PRDM15: variants seen among roughly 807,000 people sequenced by gnomAD.
PRDM15 encodes the protein PR/SET domain 15, also known as PR domain zinc finger protein 15.
A neutral mutation model predicts 128.6 loss-of-function variants in PRDM15; 64 were observed. The ratio of observed to expected loss-of-function variants is 0.50; its 90% CI spans 0.41 to 0.61. The LOEUF (loss-of-function observed/expected upper bound fraction) is 0.61. Ranked by LOEUF, PRDM15 falls within the 20% of genes least tolerant of loss-of-function variation. The probability of loss-of-function intolerance (pLI) is 0.00; values close to 1 mark genes in which losing one functional copy is unlikely to be tolerated. For synonymous variants in PRDM15, 615 were observed against 621.8 expected (o/e 0.99, Z 0.16); for missense variants, 1,242 against 1,569.1 (o/e 0.79, Z 3.52).
At position 41,847,207 on chromosome 21, in the gene PRDM15, G is replaced by C; in HGVS notation, c.539-16C>G. On this transcript the variant is annotated splice_polypyrimidine_tract_variant and intron_variant, in intron 5 of 23. Transcript: ENST00000398548. The stretch of plus-strand genomic sequence containing the variant: ...GTGCCTGCAGCTTCAAAAGACATGA[G>C]AGGAGAAAAAGGTGACCCCCAAGCA... 3 of 1,536,204 alleles carry C rather than the reference G, an allele frequency of 2.0e-6. No homozygotes were observed. The highest frequency in any genetic ancestry group is 2.6e-6 in the Non-Finnish European group (3 of 1,135,430).
intron 5 of PRDM15, among the ~76,000 whole-genome samples, chr21:41,851,274 T>G (rs979933480): frequency 2.6e-5 from 4 of 152,236 alleles, no homozygotes; most frequent in African/African-American, 9.6e-5. Context: ...CAGTGAGAAC[T>G]GGGCAAGCGG....
intron 6 of PRDM15, among the ~76,000 whole-genome samples, chr21:41,844,893 C>T (rs2063202453): frequency 1.6e-5 from 1 of 62,104 alleles, no homozygotes; most frequent in Non-Finnish European, 3.4e-5. Context: ...CACAGCCCCT[C>T]CCCCTCACAG....
In PRDM15 at chr21:41,847,195, C is replaced by T. The variant is rs909345289; in HGVS notation, c.539-4G>A. 9 of 1,547,722 alleles carry T rather than the reference C, an allele frequency of 5.8e-6. No homozygotes were observed. The highest frequency in any genetic ancestry group is 4.0e-5 in the Admixed American group (2 of 50,452). On this transcript the variant is annotated splice_polypyrimidine_tract_variant and splice_region_variant and intron_variant, in intron 5 of 23. Transcript: ENST00000398548. ...CTGTTTTCTGGGGTGCCTGCAGCTT[C>T]AAAAGACATGAGAGGAGAAAAAGGT...
rs2064538552 is a variant in PRDM15, at chr21:41,879,034, C to G, written c.-10+236G>C. 4 of 1,112,866 alleles carry G rather than the reference C, an allele frequency of 3.6e-6. No individual in the cohort carries two copies. The highest frequency in any genetic ancestry group is 1.1e-6 in the Non-Finnish European group (1 of 889,318). The allele number at this position is 1,112,866 out of a possible 1,614,324, so 68.9% of individuals were successfully genotyped here. A position where few individuals can be genotyped will look rare whatever the true frequency, so the allele number is the denominator to read the frequency against. On this transcript the variant is annotated intron_variant, in intron 1 of 23. Transcript: ENST00000398548. The surrounding 1 kb of genome is among the most constrained non-coding windows in gnomAD (Gnocchi z 5.1). ...GGCGCGCAGGGCGATCCCGGAGCGG[C>G]TCCGGGAAATCCAGCCGGGTTTTGA...
chr21:41,863,974 G>A (rs2063911640), intron 1 of PRDM15, among the ~76,000 whole-genome samples: 1 of 152,076 alleles, frequency 6.6e-6, no homozygotes, highest in Non-Finnish European at 1.5e-5. Flanking sequence ...CTCCCGAGTA[G>A]CTGGGATTAC....
Position 41,805,385 on chromosome 21 carries a change from G to A in PRDM15, c.2653-771C>T, listed in dbSNP as rs372618981. 3.3e-5 allele frequency among the ~76,000 whole-genome samples: 5 copies of A among 152,260 alleles called. No homozygotes were observed. In the East Asian group the frequency reaches 7.7e-4, roughly 23 times the overall value. On this transcript the variant is annotated intron_variant, in intron 21 of 23. Coordinates refer to ENST00000398548, the MANE Select transcript of PRDM15 (RefSeq NM_001040424.3). ...AAGGGTGCTTCACCCAAACAGCTTTGCAAACATCTTTAAATTTCTGATCAA... is the reference window on the plus strand; with the variant it reads ...AAGGGTGCTTCACCCAAACAGCTTTACAAACATCTTTAAATTTCTGATCAA...
In PRDM15 at chr21:41,810,452, T is replaced by A. The variant is rs1454393541; in HGVS notation, c.2477-123A>T. ...CAAGAAGCCTGTCACGCCCCGCCCA[T>A]CCTGAGAGGGCCGGTGCTGGTCCCC... On this transcript the variant is annotated intron_variant, in intron 20 of 23. Transcript: ENST00000398548. This position sits in a 1 kb window ranked among gnomAD's most constrained non-coding sequence, Gnocchi z 6.4. The A allele has an allele frequency of 8.9e-7, 1 of 1,125,274 alleles. No individual in the cohort carries two copies. 69.7% of individuals were successfully genotyped at this position (1,125,274 alleles called of 1,614,324 possible). A position where few individuals can be genotyped will look rare whatever the true frequency, so the allele number is the denominator to read the frequency against.
intron 22 of PRDM15, among the ~76,000 whole-genome samples, chr21:41,803,933 T>A (rs2146154764): frequency 6.6e-6 from 1 of 152,266 alleles, no homozygotes; most frequent in African/African-American, 2.4e-5. Flanking sequence ...TTAAACTTAT[T>A]TTGCTTAGAA....
At chr21:41,878,549 A>G (rs1190416954) in intron 1 of PRDM15, 2 of 449,082 alleles carry the variant, frequency 4.5e-6, no homozygotes, top group Admixed American at 4.4e-5. Flanking sequence ...GGCGGGCCTC[A>G]CCTGAGCGGC....
chr21:41,809,514 AGCCACC>A (rs2061793513), intron 21 of PRDM15, among the ~76,000 whole-genome samples: 1 of 152,126 alleles, frequency 6.6e-6, no homozygotes. Context: ...TACAAGCATG[AGCCACC>A]GTGCCCGGCC....
chr21:41,803,660 C>T (rs867275467), intron 22 of PRDM15, among the ~76,000 whole-genome samples: 6 of 152,206 alleles, frequency 3.9e-5, no homozygotes, highest in Non-Finnish European at 5.9e-5. Context: ...CCGTCCCCCC[C>T]ATGCCTGTGA....
intron 5 of PRDM15, among the ~76,000 whole-genome samples, chr21:41,847,549 G>A (rs948552785): frequency 6.6e-6 from 1 of 152,160 alleles, no homozygotes; most frequent in African/African-American, 2.4e-5. Context: ...AGAACCAAGT[G>A]TAATTCCTCA....
At chr21:41,818,039 C>T (rs1025126207) in intron 18 of PRDM15, among the ~76,000 whole-genome samples, 4 of 152,236 alleles carry the variant, frequency 2.6e-5, no homozygotes, top group African/African-American at 9.6e-5. Flanking sequence ...TCTCTGCCTG[C>T]CTAAGAGGCC....
intron 6 of PRDM15, among the ~76,000 whole-genome samples, chr21:41,842,363 G>A (rs1366661521): frequency 6.6e-6 from 1 of 152,144 alleles, no homozygotes; most frequent in Admixed American, 6.5e-5. Context: ...CCTCCCAAAT[G>A]CTTATCTTCT....
chr21:41,835,311 G>C lies in PRDM15; in HGVS notation c.1366+126C>G, dbSNP rs1333879026. On this transcript the variant is annotated intron_variant, in intron 11 of 23. Coordinates refer to ENST00000398548, the MANE Select transcript of PRDM15 (RefSeq NM_001040424.3). ...TGAAGCAAAATGGACAGAGGGAAAT[G>C]TTAAAAGTGAGGCTGTCTATTCATG... 3.9e-6 allele frequency: 3 copies of C among 776,244 alleles called. No individual in the cohort carries two copies. In the East Asian group the frequency reaches 7.7e-5, roughly 20 times the overall value. 48.1% of individuals were successfully genotyped at this position (776,244 alleles called of 1,614,324 possible).
rs1254157130 is a variant in PRDM15, at chr21:41,832,065, G to A, written c.1366+3372C>T. ...ATGGTATGTGTCCTTCACACACTGCGTCTGAGGCGTGCGTGTTTACAGTGC... is the reference window on the plus strand; with the variant it reads ...ATGGTATGTGTCCTTCACACACTGCATCTGAGGCGTGCGTGTTTACAGTGC... On this transcript the variant is annotated intron_variant, in intron 11 of 23. Coordinates refer to ENST00000398548, the MANE Select transcript of PRDM15 (RefSeq NM_001040424.3). The surrounding 1 kb of genome is among the most constrained non-coding windows in gnomAD (Gnocchi z 4.2). Among the ~76,000 whole-genome samples the A allele has an allele frequency of 3.9e-5, 6 of 152,200 alleles. No individual in the cohort carries two copies. Among genetic ancestry groups the A allele is most frequent in the South Asian group, 2.1e-4 (1 of 4,838 alleles).
At position 41,821,211 on chromosome 21, in the gene PRDM15, T is replaced by C. The variant is rs1396114035; in HGVS notation, c.1916A>G (p.Lys639Arg). ...KRCQLTFGRG[K>R]EYLKHIMEVH... ...CTCCATGATGTGCTTCAGGTACTCC[T>C]TCCCCCGGCCGAAGGTGAGCTGCGG... Residue 639 changes from lysine to arginine, a missense_variant, in exon 16 of 24, where the codon AAG becomes AGG. This residue lies in a region of PRDM15 where 602 missense variants were observed against 788.3 expected (regional missense o/e 0.76). Transcript: ENST00000398548. This position sits in a 1 kb window ranked among gnomAD's most constrained non-coding sequence, Gnocchi z 5.4. The C allele has an allele frequency of 1.2e-6, 2 of 1,614,102 alleles. No individual in the cohort carries two copies. The highest frequency in any genetic ancestry group is 1.7e-6 in the Non-Finnish European group (2 of 1,180,020).
rs936735209 is a variant in PRDM15, at chr21:41,828,431, C to G, written c.1367-98G>C. 5.4e-6 allele frequency: 7 copies of G among 1,286,624 alleles called. No individual in the cohort carries two copies. The South Asian group carries it at 8.8e-5, about 16-fold the overall frequency. 79.7% of individuals were successfully genotyped at this position (1,286,624 alleles called of 1,614,324 possible). ...CTGAACGTCAATAAAGCGCGGGTGACGGGCATGAGAGTCACGGGGATGCGT... is the reference window on the plus strand; with the variant it reads ...CTGAACGTCAATAAAGCGCGGGTGAGGGGCATGAGAGTCACGGGGATGCGT... On this transcript the variant is annotated intron_variant, in intron 11 of 23. Transcript: ENST00000398548. The surrounding 1 kb of genome is among the most constrained non-coding windows in gnomAD (Gnocchi z 5.7).
chr21:41,865,840 C>T (rs905106195), intron 1 of PRDM15, among the ~76,000 whole-genome samples: 7 of 152,136 alleles, frequency 4.6e-5, no homozygotes, highest in Non-Finnish European at 7.3e-5. Context: ...AAACTCGTGA[C>T]CTCCTGCGAT....
Sources: gnomAD v4.1 joint callset for allele counts (sites outside exome capture counted in the v4.1 genomes callset) on GRCh38, gnomAD v4.1.1 for gene constraint, gnomAD v4.1.1 regional missense constraint, Gnocchi (gnomAD v3.1) non-coding constraint, MANE v1.5 for transcripts, NCBI Gene and HGNC (gene_info 2026-07-23, HGNC 2026-07-21) for gene names.